ZFAT: variants seen among roughly 807,000 people sequenced by gnomAD.
The protein encoded by ZFAT is zinc finger and AT-hook domain containing, also known as zinc finger protein ZFAT.
ZFAT carries 64 observed loss-of-function variants against 117.7 expected under a neutral mutation model. That is an observed-to-expected ratio of 0.54 (90% CI 0.44 to 0.67). ZFAT has a LOEUF of 0.67. ZFAT is among the 30% of genes least tolerant of loss of function. ZFAT has a pLI of 0.00. For synonymous variants in ZFAT, 679 were observed against 615.0 expected (o/e 1.10, Z -1.54); for missense variants, 1,433 against 1,584.5 (o/e 0.90, Z 1.62).
chr8:134,704,616 T>G (rs937848048), intron 1 of ZFAT, among the ~76,000 whole-genome samples: 19 of 152,212 alleles, frequency 1.2e-4, no homozygotes, highest in African/African-American at 4.6e-4. Flanking sequence ...CAAAAATTAC[T>G]ATAAAGCTGT....
chr8:134,691,540 A>G (rs986419492), intron 1 of ZFAT, among the ~76,000 whole-genome samples: 9 of 152,238 alleles, frequency 5.9e-5, no homozygotes, highest in Non-Finnish European at 1.2e-4. Flanking sequence ...GGTGAGGAGG[A>G]CGGGTAAGCA....
intron 1 of ZFAT, among the ~76,000 whole-genome samples, chr8:134,690,029 A>C (rs1025004410): frequency 6.6e-6 from 1 of 152,250 alleles, no homozygotes; most frequent in Admixed American, 6.5e-5. Context: ...TCAAAGATCA[A>C]TGAGAAATTT....
At chr8:134,622,234 T>C (rs1003662253) in intron 3 of ZFAT, among the ~76,000 whole-genome samples, 7 of 152,240 alleles carry the variant, frequency 4.6e-5, no homozygotes, top group Non-Finnish European at 8.8e-5. Context: ...ACCACCTAGC[T>C]TTGTGCGTTT....
the ZFAT span, among the ~76,000 whole-genome samples, chr8:134,803,356 G>A: frequency 6.6e-6 from 1 of 152,126 alleles, no homozygotes; most frequent in Non-Finnish European, 1.5e-5. Context: ...CCTTTGGCAG[G>A]GAAGACTTCT....
intron 1 of ZFAT, among the ~76,000 whole-genome samples, chr8:134,697,355 G>A (rs1044749765): frequency 2.1e-4 from 31 of 150,524 alleles, no homozygotes; most frequent in African/African-American, 7.0e-4. Context: ...CTTGTGATCC[G>A]CCCGCCTCAG....
chr8:134,698,902 G>C (rs1008340796), intron 1 of ZFAT, among the ~76,000 whole-genome samples: 3 of 152,216 alleles, frequency 2.0e-5, no homozygotes, highest in African/African-American at 4.8e-5. Context: ...TCCCATTAGA[G>C]AGCAAAGACC....
At chr8:134,716,866 G>A (rs1020023328), upstream of ZFAT, among the ~76,000 whole-genome samples, 1 of 152,186 alleles carries the variant, frequency 6.6e-6, no homozygotes, top group African/African-American at 2.4e-5. Context: ...TAGATATGGG[G>A]TCCTATTTCT....
intron 12 of ZFAT, among the ~76,000 whole-genome samples, chr8:134,524,905 C>G (rs1820917892): frequency 6.6e-6 from 1 of 152,214 alleles, no homozygotes; most frequent in Non-Finnish European, 1.5e-5. Flanking sequence ...AGTTACCATG[C>G]ATCAGGCACC....
At chr8:134,518,313 T>C (rs1388625742) in intron 13 of ZFAT, among the ~76,000 whole-genome samples, 1 of 152,238 alleles carries the variant, frequency 6.6e-6, no homozygotes, top group Non-Finnish European at 1.5e-5. Context: ...ATTGAATTAA[T>C]GGATAAAGAA....
chr8:134,753,298 G>C, the ZFAT span, among the ~76,000 whole-genome samples: 1 of 151,992 alleles, frequency 6.6e-6, no homozygotes, highest in Non-Finnish European at 1.5e-5. Context: ...GAATAGAAGA[G>C]AAAGTTGAGG....
chr8:134,763,224 G>T, the ZFAT span, among the ~76,000 whole-genome samples: 1 of 152,082 alleles, frequency 6.6e-6, no homozygotes, highest in South Asian at 2.1e-4. Flanking sequence ...ATTCCTAATG[G>T]TTTTCTATTT....
At chr8:134,753,977 G>C in the ZFAT span, among the ~76,000 whole-genome samples, 1 of 152,232 alleles carries the variant, frequency 6.6e-6, no homozygotes, top group East Asian at 1.9e-4. Context: ...AGTAGCCTTT[G>C]TTTGTCCCAG....
intron 11 of ZFAT, among the ~76,000 whole-genome samples, chr8:134,542,078 C>CT (rs1176512697): frequency 1.3e-5 from 2 of 152,248 alleles, no homozygotes; most frequent in African/African-American, 4.8e-5. Context: ...GCCCACTTCT[C>CT]TGACCACATT....
intron 10 of ZFAT, among the ~76,000 whole-genome samples, chr8:134,578,923 A>C (rs1825517456): frequency 1.3e-5 from 2 of 152,246 alleles, no homozygotes; most frequent in South Asian, 4.1e-4. Flanking sequence ...CCTATGCCCA[A>C]GCACCAAATT....
At chr8:134,599,032 T>A (rs1333471329) in intron 7 of ZFAT, 1 of 152,248 alleles carries the variant, frequency 6.6e-6, no homozygotes, top group Non-Finnish European at 1.5e-5. Context: ...CGACTTCATA[T>A]GAGTTTCCAG....
At chr8:134,615,728 T>C (rs906766611) in intron 3 of ZFAT, among the ~76,000 whole-genome samples, 2 of 152,218 alleles carry the variant, frequency 1.3e-5, no homozygotes, top group Non-Finnish European at 2.9e-5. Context: ...CCTTCATCAA[T>C]TCTCTGTGGC....
intron 12 of ZFAT, among the ~76,000 whole-genome samples, chr8:134,527,558 C>T (rs1821113248): frequency 1.3e-5 from 2 of 152,206 alleles, no homozygotes; most frequent in Non-Finnish European, 2.9e-5. Flanking sequence ...TAGGCCCAGC[C>T]AGGGCCCCAG....
chr8:134,668,670 G>C (rs954021538), intron 1 of ZFAT, among the ~76,000 whole-genome samples: 2 of 152,210 alleles, frequency 1.3e-5, no homozygotes, highest in East Asian at 3.8e-4. Flanking sequence ...GAGCAGAAAA[G>C]CTGAAAATTC....
chr8:134,637,504 G>A lies in ZFAT; in HGVS notation c.405C>T (p.Ile135=), dbSNP rs1830289556. The part of the protein sequence containing the change: ...FSNTRQLRKH[I]CIIVLNLGEE... The stretch of plus-strand genomic sequence containing the variant: ...CACCCAAATTCAGCACGATAATGCA[G>A]ATGTGCTTCCGCAGCTGGCGCGTGT... The change falls in exon 3 of 16, where the codon ATC becomes ATT. Residue 135 remains isoleucine (I), a synonymous_variant. Coordinates refer to ENST00000377838, the MANE Select transcript of ZFAT (RefSeq NM_020863.4). 5 of 1,614,004 alleles carry A rather than the reference G, an allele frequency of 3.1e-6. No individual in the cohort carries two copies. Among genetic ancestry groups the A allele is most frequent in the Non-Finnish European group, 4.2e-6 (5 of 1,179,844 alleles).
Sources: allele counts gnomAD v4.1 joint callset (sites outside exome capture counted in the v4.1 genomes callset), GRCh38; gene constraint gnomAD v4.1.1; transcripts MANE v1.5; gene names NCBI Gene and HGNC (gene_info 2026-07-23, HGNC 2026-07-21).